LMO7: variants seen among roughly 807,000 people sequenced by gnomAD.
The protein encoded by LMO7 is LIM domain only protein 7.
In LMO7, 120 loss-of-function variants were observed where a neutral mutation model predicts 206.5. The ratio of observed to expected loss-of-function variants is 0.58; its 90% CI spans 0.50 to 0.68. The LOEUF is 0.68. Ranked by LOEUF, LMO7 falls within the 30% of genes least tolerant of loss-of-function variation. The pLI, the probability that LMO7 is intolerant of heterozygous loss-of-function variation, is 0.00. For synonymous variants in LMO7, 706 were observed against 681.5 expected (o/e 1.04, Z -0.56); for missense variants, 1,959 against 1,957.9 (o/e 1.00, Z -0.01).
At chr13:75,645,798 A>T (rs527481558) in intron 1 of LMO7, among the ~76,000 whole-genome samples, 1 of 152,192 alleles carries the variant, frequency 6.6e-6, no homozygotes, top group African/African-American at 2.4e-5. Flanking sequence ...GGTGTTTCTA[A>T]TTTTTCTGTG....
chr13:75,841,280 C>A, intron 23 of LMO7, 79 bp downstream of exon 23: 3 of 865,484 alleles, frequency 3.5e-6, no homozygotes, highest in Admixed American at 4.6e-5. Flanking sequence ...GGAGACACTT[C>A]ATTTTTCTCC....
chr13:75,801,882 G>A (rs983710649), intron 7 of LMO7, among the ~76,000 whole-genome samples: 3 of 152,032 alleles, frequency 2.0e-5, no homozygotes, highest in African/African-American at 7.2e-5. Flanking sequence ...ATTGTACAGC[G>A]AACACACATG....
intron 2 of LMO7, among the ~76,000 whole-genome samples, chr13:75,713,863 A>T (rs919661032): frequency 6.6e-6 from 1 of 152,182 alleles, no homozygotes; most frequent in Non-Finnish European, 1.5e-5. Context: ...TTGTTCCCCA[A>T]TGGATGCATA....
intron 4 of LMO7, among the ~76,000 whole-genome samples, chr13:75,780,732 A>G (rs1049679682): frequency 1.3e-5 from 2 of 152,224 alleles, no homozygotes; most frequent in African/African-American, 4.8e-5. Context: ...ATTTATGTTC[A>G]GAGATTGCAG....
intron 28 of LMO7, among the ~76,000 whole-genome samples, chr13:75,854,557 A>T (rs993926818): frequency 1.3e-5 from 2 of 152,132 alleles, no homozygotes; most frequent in Non-Finnish European, 2.9e-5. Context: ...CGCCGTGCTC[A>T]TGCTGTGGGG....
At chr13:75,659,189 T>G (rs1428710891) in intron 1 of LMO7, among the ~76,000 whole-genome samples, 1 of 152,238 alleles carries the variant, frequency 6.6e-6, no homozygotes, top group Non-Finnish European at 1.5e-5. Context: ...ATATATGTCT[T>G]TAACAAATCA....
chr13:75,633,840 CCTT>C (rs372288487), upstream of LMO7, among the ~76,000 whole-genome samples: 94 of 111,224 alleles, frequency 8.5e-4, no homozygotes, highest in East Asian at 1.5e-3. Context: ...CGTGTCTTTT[CCTT>C]TTTTTTTTTT....
At chr13:75,736,487 A>T (rs1486349160) in intron 3 of LMO7, among the ~76,000 whole-genome samples, 1 of 152,244 alleles carries the variant, frequency 6.6e-6, no homozygotes, top group African/African-American at 2.4e-5. Flanking sequence ...ACATGCAGAT[A>T]GTCAAAGAAT....
chr13:75,635,730 G>A (rs1323347306), upstream of LMO7: 1 of 152,060 alleles, frequency 6.6e-6, no homozygotes, highest in Non-Finnish European at 1.5e-5. Context: ...CTCCGCCGGG[G>A]GGAAGCGGCA....
Position 75,841,826 on chromosome 13 carries a change from A to T in LMO7, c.3874A>T (p.Ile1292Phe). ...QGKKPQDQLV[I>F]ERERKWEQQL... ...AAAGAAGCCGCAGGATCAGCTTGTT[A>T]TTGAGAGAGAGAGGAAATGGGAGCA... is the stretch of plus-strand genomic sequence containing the variant. The change falls in exon 24 of 31, where the codon ATT becomes TTT. Residue 1292 changes from isoleucine to phenylalanine, a missense_variant. Ile to Phe is a conservative substitution (Grantham distance 21). Coordinates refer to ENST00000377534, the MANE Select transcript of LMO7 (RefSeq NM_001306080.2). 6.2e-7 allele frequency: 1 copy of T among 1,614,110 alleles called. No individual in the cohort carries two copies. Among genetic ancestry groups the T allele is most frequent in the Non-Finnish European group, 8.5e-7 (1 of 1,179,994 alleles).
At chr13:75,759,171 A>C (rs2047938779) in intron 3 of LMO7, among the ~76,000 whole-genome samples, 1 of 152,106 alleles carries the variant, frequency 6.6e-6, no homozygotes, top group South Asian at 2.1e-4. Flanking sequence ...GCATGGGGGA[A>C]ACTGCCCCCA....
chr13:75,853,813 T>C (rs1031649647), intron 28 of LMO7, among the ~76,000 whole-genome samples: 2 of 152,232 alleles, frequency 1.3e-5, no homozygotes, highest in African/African-American at 4.8e-5. Flanking sequence ...TCACAGGAAC[T>C]GAGTGTAAAA....
chr13:75,759,166 G>C (rs915696711), intron 3 of LMO7, among the ~76,000 whole-genome samples: 4 of 152,036 alleles, frequency 2.6e-5, no homozygotes, highest in Admixed American at 2.6e-4. Context: ...GAACAGCATG[G>C]GGGAAACTGC....
intron 11 of LMO7, among the ~76,000 whole-genome samples, chr13:75,812,377 G>A (rs959227286): frequency 6.6e-6 from 1 of 152,144 alleles, no homozygotes; most frequent in African/African-American, 2.4e-5. Context: ...AGTACCTGAT[G>A]GAAATATACT....
At chr13:75,676,752 T>G (rs2040048029) in intron 1 of LMO7, among the ~76,000 whole-genome samples, 1 of 152,162 alleles carries the variant, frequency 6.6e-6, no homozygotes, top group Non-Finnish European at 1.5e-5. Context: ...GCTACGTAAA[T>G]AAGTTGAGGA....
upstream of LMO7, chr13:75,636,006 G>C (rs2035771769): frequency 6.5e-6 from 1 of 153,772 alleles, no homozygotes. Flanking sequence ...AGCCGGGAGG[G>C]GCGCCGCTCT....
At chr13:75,702,201 T>G (rs1461985814) in intron 1 of LMO7, among the ~76,000 whole-genome samples, 1 of 152,172 alleles carries the variant, frequency 6.6e-6, no homozygotes. Context: ...AGCTTTTAAT[T>G]ATCTGGGCAC....
intron 1 of LMO7, among the ~76,000 whole-genome samples, chr13:75,670,200 C>G (rs752407708): frequency 2.1e-4 from 32 of 152,300 alleles, no homozygotes; most frequent in Non-Finnish European, 3.7e-4. Context: ...GTATGGGAAT[C>G]AGAAAAGTAT....
At chr13:75,769,649 A>C (rs951817112) in intron 4 of LMO7, among the ~76,000 whole-genome samples, 2 of 152,044 alleles carry the variant, frequency 1.3e-5, no homozygotes, top group Non-Finnish European at 2.9e-5. Context: ...TTAAAGGAAA[A>C]AGTGGGGTTC....
Sources: gnomAD v4.1 joint callset for allele counts (sites outside exome capture counted in the v4.1 genomes callset) on GRCh38, gnomAD v4.1.1 for gene constraint, MANE v1.5 for transcripts, NCBI Gene and HGNC (gene_info 2026-07-23, HGNC 2026-07-21) for gene names.